The following LY96 variants were observed in gnomAD, a reference collection of about 807,000 sequenced individuals.
LY96 encodes lymphocyte antigen 96.
LY96 carries 18 observed loss-of-function variants against 18.9 expected under a neutral mutation model. The observed-to-expected ratio is 0.95, with a 90% CI of 0.66 to 1.41. The LOEUF (loss-of-function observed/expected upper bound fraction) is 1.41. LY96 is among the 40% of genes most tolerant of loss of function. LY96 has a pLI of 0.00. For synonymous variants in LY96, 66 were observed against 62.6 expected (o/e 1.06, Z -0.26); for missense variants, 175 against 182.4 (o/e 0.96, Z 0.23).
At chr8:74,030,113 A>T (rs1380673825), downstream of LY96, among the ~76,000 whole-genome samples, 7 of 152,242 alleles carry the variant, frequency 4.6e-5, no homozygotes, top group Non-Finnish European at 1.0e-4. Flanking sequence ...TCCTGGGAGC[A>T]TGGCAACTTG....
chr8:74,046,287 A>T, the LY96 span, among the ~76,000 whole-genome samples: 1 of 152,170 alleles, frequency 6.6e-6, no homozygotes. Flanking sequence ...TCAAAAAAAT[A>T]AGACACCCAG....
the LY96 span, among the ~76,000 whole-genome samples, chr8:74,059,824 T>G: frequency 6.6e-6 from 1 of 152,202 alleles, no homozygotes; most frequent in East Asian, 1.9e-4. Context: ...AAAAAAGAGA[T>G]AAATTTTGTT....
the LY96 span, among the ~76,000 whole-genome samples, chr8:74,054,504 T>C: frequency 0.012 from 1,822 of 150,628 alleles, 20 homozygotes; most frequent in Non-Finnish European, 0.017. Context: ...CTTTTCTTTT[T>C]TTTTCTTTTC....
chr8:74,021,523 A>G lies in LY96; in HGVS notation c.332-5266A>G, dbSNP rs529510601. On this transcript the variant is annotated intron_variant, in intron 3 of 4. Coordinates refer to ENST00000284818, the MANE Select transcript of LY96 (RefSeq NM_015364.5). ...TGGAAGACAGTGTGGCAATTCCTCA[A>G]GGATCTAGAACTAGAAATACCATTT... Among the ~76,000 whole-genome samples, 533 of 152,332 alleles carry G rather than the reference A, an allele frequency of 3.5e-3. 5 individuals are homozygous for G. The highest frequency in any genetic ancestry group is 0.012 in the African/African-American group (508 of 41,582).
At chr8:74,070,008 G>GT in the LY96 span, among the ~76,000 whole-genome samples, 2 of 152,154 alleles carry the variant, frequency 1.3e-5, no homozygotes, top group Admixed American at 1.3e-4. Flanking sequence ...GCATTCTTCT[G>GT]TAAAGTAGGG....
intron 3 of LY96, among the ~76,000 whole-genome samples, chr8:74,018,856 A>G (rs1424879404): frequency 6.6e-6 from 1 of 152,218 alleles, no homozygotes; most frequent in Non-Finnish European, 1.5e-5. Flanking sequence ...GCAGAAATAA[A>G]GATATTCTTT....
chr8:74,093,053 G>A, the LY96 span, among the ~76,000 whole-genome samples: 2 of 152,152 alleles, frequency 1.3e-5, no homozygotes, highest in Non-Finnish European at 2.9e-5. Context: ...GCCCATCACT[G>A]TAGCCTACTC....
intron 3 of LY96, among the ~76,000 whole-genome samples, chr8:74,021,982 A>G (rs1285926189): frequency 2.6e-5 from 4 of 152,128 alleles, no homozygotes; most frequent in Non-Finnish European, 5.9e-5. Flanking sequence ...ATGACTAATT[A>G]ATTGGTGCAG....
At chr8:74,030,194 A>G (rs1226950832), downstream of LY96, among the ~76,000 whole-genome samples, 1 of 152,080 alleles carries the variant, frequency 6.6e-6, no homozygotes, top group African/African-American at 2.4e-5. Context: ...AAGAAGAGGG[A>G]GTTTCTGAGT....
the LY96 span, among the ~76,000 whole-genome samples, chr8:74,072,156 T>C: frequency 6.6e-6 from 1 of 152,180 alleles, no homozygotes; most frequent in African/African-American, 2.4e-5. Context: ...CTATATAATT[T>C]TTAATAGATA....
the LY96 span, among the ~76,000 whole-genome samples, chr8:74,073,640 AATTTATTTATTTATTT>A: frequency 3.2e-4 from 47 of 145,250 alleles, 1 homozygote; most frequent in Non-Finnish European, 2.1e-4. Context: ...GAGATTGATG[AATTTATTTATTTATTT>A]ATTTATTTAT....
In LY96 at chr8:73,993,454, A is replaced by T. The variant is rs528164937; in HGVS notation, c.112+1900A>T. ...CCACACTTGTCTAATTATTAATTAA[A>T]TAATTTTTTTTGAGTTTCACTCTTG... On this transcript the variant is annotated intron_variant, in intron 1 of 4. Coordinates refer to ENST00000284818, the MANE Select transcript of LY96 (RefSeq NM_015364.5). 1.7e-4 allele frequency among the ~76,000 whole-genome samples: 26 copies of T among 152,042 alleles called. 1 individual carries two copies. The South Asian group carries it at 5.2e-3, about 30-fold the overall frequency.
chr8:74,061,507 G>A, the LY96 span, among the ~76,000 whole-genome samples: 1 of 152,128 alleles, frequency 6.6e-6, no homozygotes, highest in African/African-American at 2.4e-5. Context: ...ATGGTTAAAG[G>A]GTACAAAGTT....
chr8:74,016,263 G>T (rs529588283), intron 3 of LY96, among the ~76,000 whole-genome samples: 1 of 152,330 alleles, frequency 6.6e-6, no homozygotes, highest in South Asian at 2.1e-4. Context: ...CTCACTGCTA[G>T]CACAGCAGTC....
At chr8:74,095,237 C>T in the LY96 span, among the ~76,000 whole-genome samples, 1 of 152,098 alleles carries the variant, frequency 6.6e-6, no homozygotes, top group Non-Finnish European at 1.5e-5. Context: ...AGAGATTAAG[C>T]TTTATTCAGG....
At chr8:74,010,182 A>G (rs746863546) in intron 3 of LY96, 53 bp downstream of exon 3, 36 of 1,512,314 alleles carry the variant, frequency 2.4e-5, no homozygotes, top group Admixed American at 3.4e-5. Context: ...CTTTATGAAA[A>G]TGTTATGAAA....
chr8:74,085,812 T>C, the LY96 span, among the ~76,000 whole-genome samples: 1 of 152,220 alleles, frequency 6.6e-6, no homozygotes, highest in Non-Finnish European at 1.5e-5. Flanking sequence ...GATATACATA[T>C]ACATTGTGAA....
At chr8:74,090,993 T>C in the LY96 span, among the ~76,000 whole-genome samples, 1 of 152,222 alleles carries the variant, frequency 6.6e-6, no homozygotes, top group Non-Finnish European at 1.5e-5. Flanking sequence ...CTGGTATATA[T>C]GTGTATCGTC....
intron 2 of LY96, among the ~76,000 whole-genome samples, chr8:74,007,771 T>G (rs1816443705): frequency 6.6e-6 from 1 of 152,050 alleles, no homozygotes; most frequent in Non-Finnish European, 1.5e-5. Flanking sequence ...GTTTCTTTTC[T>G]TTTTTTGAGA....
Sources: allele counts gnomAD v4.1 joint callset (sites outside exome capture counted in the v4.1 genomes callset), GRCh38; gene constraint gnomAD v4.1.1; transcripts MANE v1.5; gene names NCBI Gene and HGNC (gene_info 2026-07-23, HGNC 2026-07-21).